Variants in ZNF469 observed in about 807,000 individuals in gnomAD.
The protein encoded by ZNF469 is zinc finger protein 469.
In ZNF469, 1 loss-of-function variant was observed where a neutral mutation model predicts 1.0. That is an observed-to-expected ratio of 1.00 (90% CI 0.35 to 4.73). The LOEUF (loss-of-function observed/expected upper bound fraction) is 4.73, where lower values mean the gene tolerates loss of function less well. ZNF469 is among the 30% of genes most tolerant of loss of function. The pLI is 0.16. For missense variants in ZNF469, 6,100 were observed against 5,356.3 expected, an observed-to-expected ratio of 1.14 and a Z score of -4.33; for synonymous variants, 2,703 against 2,363.4, an observed-to-expected ratio of 1.14 and a Z score of -4.17.
Position 88,436,701 on chromosome 16 carries a change from C to G in ZNF469, c.9231C>G (p.Asp3077Glu). The G allele has an allele frequency of 1.3e-6, 2 of 1,549,964 alleles. No homozygotes were observed. Among genetic ancestry groups the G allele is most frequent in the Non-Finnish European group, 1.7e-6 (2 of 1,146,740 alleles). The change falls in exon 3 of 3, where the codon GAC (aspartate) becomes GAG (glutamate). Residue 3077 changes from aspartate (D) to glutamate (E), a missense_variant. Physicochemically the swap from Asp to Glu is conservative, Grantham distance 45. Transcript: ENST00000565624. ...GTCTCCCCGGCCCCAGCTTCTTAGACTTCGAGGGCACGGCGAGCTCACAGG... is the reference window on the plus strand; with the variant it reads ...GTCTCCCCGGCCCCAGCTTCTTAGAGTTCGAGGGCACGGCGAGCTCACAGG... Reference protein sequence around the residue: ...PVGLPGPSFLDFEGTASSQGP... With the variant: ...PVGLPGPSFLEFEGTASSQGP...
the ZNF469 span, among the ~76,000 whole-genome samples, chr16:88,339,125 C>T: frequency 1.4e-5 from 2 of 143,518 alleles, no homozygotes; most frequent in Admixed American, 1.4e-4. Flanking sequence ...CTAGGAGGGC[C>T]ACTGGAGCGA....
chr16:88,167,356 C>T, the ZNF469 span, among the ~76,000 whole-genome samples: 32 of 152,286 alleles, frequency 2.1e-4, no homozygotes, highest in African/African-American at 7.5e-4. Context: ...GCCACCATGC[C>T]CCGCTCGCAG....
At chr16:88,133,486 C>T in the ZNF469 span, among the ~76,000 whole-genome samples, 48 of 152,092 alleles carry the variant, frequency 3.2e-4, no homozygotes, top group African/African-American at 1.0e-3. Context: ...AGGCCTGACG[C>T]GGATTCTCAC....
At chr16:88,277,360 T>G in the ZNF469 span, among the ~76,000 whole-genome samples, 3 of 150,756 alleles carry the variant, frequency 2.0e-5, no homozygotes, top group Non-Finnish European at 3.0e-5. Context: ...GTCAGTACCG[T>G]GTAGATATCA....
chr16:88,223,152 A>T, the ZNF469 span, among the ~76,000 whole-genome samples: 2 of 152,194 alleles, frequency 1.3e-5, no homozygotes, highest in Non-Finnish European at 2.9e-5. Context: ...CCCAAATCTC[A>T]CCTTGAATTA....
the ZNF469 span, among the ~76,000 whole-genome samples, chr16:88,296,335 G>T: frequency 6.6e-6 from 1 of 152,256 alleles, no homozygotes; most frequent in Non-Finnish European, 1.5e-5. Context: ...GTGGGGGTGG[G>T]GGAATGACAC....
rs1906324212 is a variant in ZNF469, at chr16:88,433,183, C to T, written c.5713C>T (p.Leu1905Phe). Residue 1905 changes from leucine to phenylalanine, a missense_variant, in exon 3 of 3, where the codon CTC (leucine) becomes TTC (phenylalanine). Coordinates refer to ENST00000565624, the MANE Select transcript of ZNF469 (RefSeq NM_001367624.2). The stretch of plus-strand genomic sequence containing the variant: ...AGCTTTGAGCCCCCCCATACGTCAG[C>T]TCCAGCTCCCAGGGCCTGGAGTGGC... ...DPALSPPIRQ[L>F]QLPGPGVAKS... is the part of the protein sequence containing the mutation. The T allele has an allele frequency of 1.9e-6, 3 of 1,550,322 alleles. No individual in the cohort carries two copies. The highest frequency in any genetic ancestry group is 1.4e-5 in the African/African-American group (1 of 73,152).
At chr16:88,427,011 G>C (rs75786663) in intron 2 of ZNF469, among the ~76,000 whole-genome samples, 3,933 of 152,210 alleles carry the variant, frequency 0.026, 72 homozygotes, top group Non-Finnish European at 0.042. Flanking sequence ...CCACAGCCTG[G>C]CCGAGGACTG....
At chr16:88,296,076 G>A in the ZNF469 span, among the ~76,000 whole-genome samples, 16 of 152,314 alleles carry the variant, frequency 1.1e-4, no homozygotes, top group South Asian at 6.2e-4. Context: ...AAGCGAGCCC[G>A]CCCGGCTGCG....
the ZNF469 span, among the ~76,000 whole-genome samples, chr16:88,249,747 T>G: frequency 6.6e-6 from 1 of 152,206 alleles, no homozygotes; most frequent in Non-Finnish European, 1.5e-5. Context: ...ATTTTTTAAT[T>G]TTTTTATAGA....
At chr16:88,360,134 A>G in the ZNF469 span, among the ~76,000 whole-genome samples, 1 of 150,902 alleles carries the variant, frequency 6.6e-6, no homozygotes, top group Non-Finnish European at 1.5e-5. Context: ...GATTACAGGC[A>G]TGAGAAACCA....
In ZNF469 at chr16:88,430,272, C is replaced by G. The variant is rs1267565818; in HGVS notation, c.2802C>G (p.Thr934=). ...PKTRSLGLAP[T]EADAPSQGRQ... ...CGCGTTCCCTGGGTCTGGCCCCCAC[C>G]GAGGCGGATGCGCCCAGCCAGGGCA... Residue 934 remains threonine (T), a synonymous_variant, in exon 3 of 3, where the codon ACC becomes ACG. Coordinates refer to ENST00000565624, the MANE Select transcript of ZNF469 (RefSeq NM_001367624.2). 2 of 1,516,112 alleles carry G rather than the reference C, an allele frequency of 1.3e-6. No individual in the cohort carries two copies. The highest frequency in any genetic ancestry group is 2.0e-5 in the Admixed American group (1 of 48,924). 93.9% of individuals were successfully genotyped at this position (1,516,112 alleles called of 1,614,324 possible). A position where few individuals can be genotyped will look rare whatever the true frequency, so the allele number is the denominator to read the frequency against.
the ZNF469 span, among the ~76,000 whole-genome samples, chr16:88,271,590 GC>G: frequency 4.1e-4 from 57 of 140,018 alleles, 6 homozygotes; most frequent in Non-Finnish European, 8.4e-4. Context: ...CATCCAGGGG[GC>G]CAGGCCCCAA....
At chr16:88,393,163 G>A (rs570686730) in intron 1 of ZNF469, among the ~76,000 whole-genome samples, 6 of 152,382 alleles carry the variant, frequency 3.9e-5, no homozygotes, top group East Asian at 1.9e-4. Flanking sequence ...TTCTAAACGC[G>A]GACCAGCCCG....
intron 1 of ZNF469, among the ~76,000 whole-genome samples, chr16:88,418,018 T>TC (rs1191989445): frequency 6.6e-6 from 1 of 151,996 alleles, no homozygotes; most frequent in African/African-American, 2.4e-5. Context: ...CCCGAATTGG[T>TC]CCCTCACCCT....
chr16:88,140,326 C>T, the ZNF469 span, among the ~76,000 whole-genome samples: 426 of 151,566 alleles, frequency 2.8e-3, no homozygotes, highest in African/African-American at 9.7e-3. Context: ...ATTTAGAAAT[C>T]GGAGGGTAGC....
the ZNF469 span, among the ~76,000 whole-genome samples, chr16:88,312,096 T>C: frequency 0.048 from 7,264 of 152,200 alleles, 320 homozygotes; most frequent in East Asian, 0.17. Flanking sequence ...GAAAACCAAG[T>C]GAAAGGGGTT....
chr16:88,318,018 T>C, the ZNF469 span, among the ~76,000 whole-genome samples: 1 of 152,130 alleles, frequency 6.6e-6, no homozygotes, highest in Non-Finnish European at 1.5e-5. Context: ...AGCCCTGTCC[T>C]CTGCTGTCCT....
chr16:88,231,951 G>A, the ZNF469 span, among the ~76,000 whole-genome samples: 6 of 152,276 alleles, frequency 3.9e-5, no homozygotes, highest in African/African-American at 7.2e-5. This position sits in a 1 kb window ranked among gnomAD's most constrained non-coding sequence, Gnocchi z 4.5. Context: ...CAGCCAAGCC[G>A]CAGGAGGCAG....
Sources: gnomAD v4.1 joint callset for allele counts (sites outside exome capture counted in the v4.1 genomes callset) on GRCh38, gnomAD v4.1.1 for gene constraint, Gnocchi (gnomAD v3.1) non-coding constraint, MANE v1.5 for transcripts, NCBI Gene and HGNC (gene_info 2026-07-23, HGNC 2026-07-21) for gene names.